AGBL4: variants seen among roughly 807,000 people sequenced by gnomAD.
AGBL4 encodes the protein AGBL carboxypeptidase 4.
Under a neutral mutation model 66.4 loss-of-function variants are expected in AGBL4, and 58 were observed. The ratio of observed to expected loss-of-function variants is 0.87; its 90% CI spans 0.71 to 1.09. The LOEUF is 1.09. AGBL4 is among the 50% of genes least tolerant of loss of function. AGBL4 has a pLI of 0.00. For missense variants in AGBL4, 579 were observed against 631.0 expected (o/e 0.92, Z 0.88); for synonymous variants, 234 against 222.9 (o/e 1.05, Z -0.44).
intron 6 of AGBL4, among the ~76,000 whole-genome samples, chr1:48,810,186 A>T (rs1646017036): frequency 6.6e-6 from 1 of 152,214 alleles, no homozygotes; most frequent in African/African-American, 2.4e-5. Context: ...TCCTGGGGAC[A>T]CACAGCCCCT....
intron 3 of AGBL4, among the ~76,000 whole-genome samples, chr1:49,382,843 CA>C (rs1490484405): frequency 6.6e-6 from 1 of 151,990 alleles, no homozygotes; most frequent in Non-Finnish European, 1.5e-5. Context: ...AACACACAAA[CA>C]AAAATCAGTT....
chr1:48,769,841 C>T (rs1438292076), intron 6 of AGBL4, among the ~76,000 whole-genome samples: 1 of 152,198 alleles, frequency 6.6e-6, no homozygotes, highest in East Asian at 1.9e-4. Flanking sequence ...GAAGTAATCT[C>T]CCCAAAGCCA....
At chr1:49,253,738 C>T (rs1018016643) in intron 3 of AGBL4, among the ~76,000 whole-genome samples, 21 of 151,922 alleles carry the variant, frequency 1.4e-4, no homozygotes, top group African/African-American at 4.8e-4. Context: ...AGGCAATATC[C>T]TTGATGAACA....
intron 8 of AGBL4, among the ~76,000 whole-genome samples, chr1:48,638,062 G>A (rs1645696189): frequency 6.6e-6 from 1 of 152,146 alleles, no homozygotes; most frequent in Non-Finnish European, 1.5e-5. Context: ...CCCCAAATAG[G>A]AATGTCCTCA....
chr1:49,703,997 G>T (rs1453497433), intron 2 of AGBL4, among the ~76,000 whole-genome samples: 1 of 151,974 alleles, frequency 6.6e-6, no homozygotes. Context: ...AAAACCACAA[G>T]ATACCTAGAA....
At chr1:49,676,605 TTAACTGACTACCA>T (rs1646583040) in intron 3 of AGBL4, among the ~76,000 whole-genome samples, 1 of 152,126 alleles carries the variant, frequency 6.6e-6, no homozygotes, top group South Asian at 2.1e-4. Flanking sequence ...AATTCTTATT[TTAACTGACTACCA>T]TTAAGAATTC....
intron 3 of AGBL4, among the ~76,000 whole-genome samples, chr1:49,517,840 A>G (rs1440593489): frequency 6.6e-6 from 1 of 152,054 alleles, no homozygotes; most frequent in Non-Finnish European, 1.5e-5. Flanking sequence ...TAAAAGGTAA[A>G]TGTACCATGG....
chr1:48,549,281 C>G (rs901376205), intron 11 of AGBL4, among the ~76,000 whole-genome samples: 2 of 152,212 alleles, frequency 1.3e-5, no homozygotes, highest in Non-Finnish European at 2.9e-5. Flanking sequence ...AATGAAATAT[C>G]TTTTGTCTCT....
At chr1:49,781,942 A>G (rs981653088) in intron 2 of AGBL4, among the ~76,000 whole-genome samples, 4 of 152,134 alleles carry the variant, frequency 2.6e-5, no homozygotes, top group Non-Finnish European at 4.4e-5. Context: ...TTTGATTTCA[A>G]CGAACATGTA....
chr1:48,974,625 A>G (rs1304028257), intron 5 of AGBL4, among the ~76,000 whole-genome samples: 1 of 152,168 alleles, frequency 6.6e-6, no homozygotes, highest in African/African-American at 2.4e-5. Flanking sequence ...GAGTCTATAG[A>G]CATTCTTATT....
intron 6 of AGBL4, among the ~76,000 whole-genome samples, chr1:48,708,237 C>G (rs1358821424): frequency 6.6e-6 from 1 of 152,178 alleles, no homozygotes; most frequent in Non-Finnish European, 1.5e-5. Context: ...CTCTGCTCAG[C>G]CTGCTACCTC....
intron 6 of AGBL4, among the ~76,000 whole-genome samples, chr1:48,744,978 T>C (rs907646159): frequency 1.6e-5 from 2 of 127,464 alleles, no homozygotes; most frequent in Non-Finnish European, 3.6e-5. Context: ...TGAGGCTTGA[T>C]TGTCATCACT....
intron 6 of AGBL4, among the ~76,000 whole-genome samples, chr1:48,696,682 G>A (rs750931325): frequency 6.6e-6 from 1 of 152,304 alleles, no homozygotes; most frequent in South Asian, 2.1e-4. Context: ...AATATTTCCA[G>A]GAGGGGCTTC....
At chr1:48,823,931 T>C (rs1360978603) in intron 6 of AGBL4, among the ~76,000 whole-genome samples, 7 of 152,142 alleles carry the variant, frequency 4.6e-5, no homozygotes, top group South Asian at 2.1e-4. Flanking sequence ...TCAGAATCGT[T>C]ACCAGGAATA....
chr1:48,851,411 A>C (rs998751134), intron 6 of AGBL4, among the ~76,000 whole-genome samples: 1 of 152,234 alleles, frequency 6.6e-6, no homozygotes, highest in Admixed American at 6.5e-5. Flanking sequence ...AGCTGAGGGA[A>C]CAAAACATAG....
intron 5 of AGBL4, among the ~76,000 whole-genome samples, chr1:48,955,172 T>C (rs1410918293): frequency 6.6e-6 from 1 of 152,116 alleles, no homozygotes; most frequent in Admixed American, 6.6e-5. Context: ...AGAATAAATG[T>C]CCTCCTCCAT....
intron 11 of AGBL4, among the ~76,000 whole-genome samples, chr1:48,579,769 T>A (rs1644709366): frequency 6.9e-6 from 1 of 144,254 alleles, no homozygotes; most frequent in South Asian, 2.3e-4. Context: ...AAAAAAAAAA[T>A]TAGCCGGGCA....
chr1:49,966,294 G>A (rs1657556344), intron 1 of AGBL4, among the ~76,000 whole-genome samples: 1 of 152,030 alleles, frequency 6.6e-6, no homozygotes, highest in Admixed American at 6.6e-5. Flanking sequence ...TAATTTCTAA[G>A]CAGAGAGTTA....
intron 3 of AGBL4, among the ~76,000 whole-genome samples, chr1:49,439,778 T>C (rs934551601): frequency 2.6e-5 from 4 of 152,158 alleles, no homozygotes; most frequent in Non-Finnish European, 2.9e-5. Flanking sequence ...CCCTCAAACA[T>C]CAGATGCCAA....
Sources: gnomAD v4.1 joint callset for allele counts (sites outside exome capture counted in the v4.1 genomes callset) on GRCh38, gnomAD v4.1.1 for gene constraint, MANE v1.5 for transcripts, NCBI Gene and HGNC (gene_info 2026-07-23, HGNC 2026-07-21) for gene names.